Variants in RNF175 observed in about 807,000 individuals in gnomAD.
RNF175 encodes the protein ring finger protein 175.
RNF175 carries 38 observed loss-of-function variants against 50.0 expected under a neutral mutation model. The ratio of observed to expected loss-of-function variants is 0.76; its 90% confidence interval spans 0.59 to 1.00. RNF175 has a LOEUF of 1.00. Ranked by LOEUF, RNF175 falls within the 50% of genes least tolerant of loss-of-function variation. RNF175 has a pLI of 0.00. For synonymous variants in RNF175, 155 were observed against 146.1 expected, an observed-to-expected ratio of 1.06 and a Z score of -0.44; for missense variants, 388 against 409.6, an observed-to-expected ratio of 0.95 and a Z score of 0.46.
intron 3 of RNF175, among the ~76,000 whole-genome samples, chr4:153,732,057 C>A (rs562065107): frequency 1.3e-5 from 2 of 152,132 alleles, no homozygotes; most frequent in Admixed American, 1.3e-4. Flanking sequence ...CATGGTGAAA[C>A]CCCATCTCTA....
chr4:153,734,762 T>C (rs988767366), intron 3 of RNF175, among the ~76,000 whole-genome samples: 2 of 134,010 alleles, frequency 1.5e-5, no homozygotes, highest in South Asian at 2.6e-4. Flanking sequence ...TGCAAGCTCC[T>C]CCTCCTGGGT....
intron 3 of RNF175, among the ~76,000 whole-genome samples, chr4:153,740,183 T>G (rs1739575352): frequency 6.6e-6 from 1 of 152,036 alleles, no homozygotes. Flanking sequence ...TTTTGTTTTA[T>G]TTTTAGCATT....
intron 6 of RNF175, among the ~76,000 whole-genome samples, chr4:153,718,238 G>C (rs6832893): frequency 2.4e-5 from 2 of 82,126 alleles, no homozygotes; most frequent in Non-Finnish European, 4.6e-5. Context: ...TTGTTTGTTT[G>C]TTTTTTTTTT....
chr4:153,736,240 G>C (rs1221113248), intron 3 of RNF175, among the ~76,000 whole-genome samples: 1 of 152,100 alleles, frequency 6.6e-6, no homozygotes, highest in South Asian at 2.1e-4. Flanking sequence ...TTCTTCTTTA[G>C]CCTCTTGATG....
chr4:153,759,856 C>T lies in RNF175; in HGVS notation c.7G>A (p.Ala3Thr). 1.4e-6 allele frequency: 2 copies of T among 1,454,328 alleles called. No homozygotes were observed. The highest frequency in any genetic ancestry group is 9.0e-7 in the Non-Finnish European group (1 of 1,110,736). The allele number at this position is 1,454,328 out of a possible 1,614,324, so 90.1% of individuals were successfully genotyped here. Residue 3 changes from alanine (A) to threonine (T), a missense_variant, in exon 1 of 9, where the codon GCG (alanine) becomes ACG (threonine). Ala to Thr is a moderately conservative substitution (Grantham distance 58). Coordinates refer to ENST00000347063, the MANE Select transcript of RNF175 (RefSeq NM_173662.4). ...GCTGCCTTCCGCGCCGCCGTCCCCG[C>T]GGCCATGCCTGAGCCACTGTGCCTT... is the stretch of plus-strand genomic sequence containing the variant. MA[A>T]GTAARKAAPV... is the part of the protein sequence containing the mutation.
At position 153,710,476 on chromosome 4, in the gene RNF175, G is replaced by A; in HGVS notation, c.880C>T (p.His294Tyr). ...TCCAGGATTTGTCCATACAGAAAAT[G>A]TGTGCGCTCCCAGCTAAATCTCAGT... ...RMISNPWERT[H>Y]FLYGQILDWL... Residue 294 changes from histidine to tyrosine, a missense_variant, in exon 9 of 9, where the codon CAT (histidine) becomes TAT (tyrosine). His to Tyr is a moderately conservative substitution (Grantham distance 83). Coordinates refer to ENST00000347063, the MANE Select transcript of RNF175 (RefSeq NM_173662.4). 1.2e-6 allele frequency: 2 copies of A among 1,608,774 alleles called. No homozygotes were observed. The highest frequency in any genetic ancestry group is 1.7e-6 in the Non-Finnish European group (2 of 1,177,546).
intron 2 of RNF175, among the ~76,000 whole-genome samples, 162 bp downstream of exon 2, chr4:153,751,276 T>G (rs537932973): frequency 2.6e-5 from 4 of 152,362 alleles, no homozygotes; most frequent in African/African-American, 9.6e-5. Context: ...AGAAAACAGA[T>G]GAAATCCATG....
chr4:153,741,427 A>T (rs1176437468), intron 3 of RNF175, among the ~76,000 whole-genome samples: 1 of 152,176 alleles, frequency 6.6e-6, no homozygotes, highest in African/African-American at 2.4e-5. Context: ...GGGGTCCCTG[A>T]CTGTGGCTCC....
rs372398387 is a variant in RNF175 at position 153,723,366 on chromosome 4, A to T, written c.494T>A (p.Phe165Tyr). ...AGATACTTACTTGAAAAACAGATTGAATCCACACATTGTAAACATGATCGC... is the reference window on the plus strand; with the variant it reads ...AGATACTTACTTGAAAAACAGATTGTATCCACACATTGTAAACATGATCGC... ...YLAIMFTMCG[F>Y]NLFFKIKARD... Residue 165 changes from phenylalanine (F) to tyrosine (Y), a missense_variant, in exon 5 of 9, where the codon TTC becomes TAC. Phe to Tyr is a conservative substitution (Grantham distance 22). Coordinates refer to ENST00000347063, the MANE Select transcript of RNF175 (RefSeq NM_173662.4). 1.3e-6 allele frequency: 2 copies of T among 1,559,658 alleles called. No homozygotes were observed. The highest frequency in any genetic ancestry group is 2.7e-5 in the African/African-American group (2 of 74,180).
chr4:153,727,617 C>T (rs1266935400), intron 4 of RNF175: 1 of 152,142 alleles, frequency 6.6e-6, no homozygotes, highest in Non-Finnish European at 1.5e-5. Flanking sequence ...TGGATTTTAT[C>T]CACAGAACAG....
At chr4:153,734,128 A>G (rs1160459849) in intron 3 of RNF175, among the ~76,000 whole-genome samples, 1 of 152,220 alleles carries the variant, frequency 6.6e-6, no homozygotes, top group Non-Finnish European at 1.5e-5. Context: ...GGTTGCTACC[A>G]GTTTTGGGCA....
In RNF175 at chr4:153,748,719, T is replaced by C; in HGVS notation, c.172A>G (p.Ile58Val). 2 of 1,610,604 alleles carry C rather than the reference T, an allele frequency of 1.2e-6. No individual in the cohort carries two copies. The highest frequency in any genetic ancestry group is 1.1e-5 in the South Asian group (1 of 89,930). Reference protein sequence around the residue: ...HDSMHVEMILIFLCVLVIAQI... With the variant: ...HDSMHVEMILVFLCVLVIAQI... ...GCAATGACCAGAACGCAGAGGAAGA[T>C]CAAGATCATTTCCACGTGCATGGAA... Residue 58 changes from isoleucine (I) to valine (V), a missense_variant, in exon 3 of 9, where the codon ATC becomes GTC. Physicochemically the swap from Ile to Val is conservative, Grantham distance 29. Transcript: ENST00000347063.
At chr4:153,728,599 CTTCCT>C (rs905611728) in intron 3 of RNF175, among the ~76,000 whole-genome samples, 4 of 152,330 alleles carry the variant, frequency 2.6e-5, no homozygotes, top group African/African-American at 9.6e-5. Context: ...CCCTCTGTCA[CTTCCT>C]TTCATCTGAC....
chr4:153,729,628 C>T (rs1738919629), intron 3 of RNF175: 3 of 977,102 alleles, frequency 3.1e-6, no homozygotes, highest in Admixed American at 1.2e-4. Flanking sequence ...AAGACCACAG[C>T]CATTCTTCTT....
chr4:153,751,213 A>C (rs1308828123), intron 2 of RNF175, among the ~76,000 whole-genome samples: 4 of 152,326 alleles, frequency 2.6e-5, no homozygotes. Context: ...TTTGAAGGAT[A>C]TATTAATCCA....
Position 153,759,816 on chromosome 4 carries a change from G to T in RNF175, c.47C>A (p.Ala16Asp), listed in dbSNP as rs750468935. The change falls in exon 1 of 9, where the codon GCC becomes GAC. Residue 16 changes from alanine to aspartate, a missense_variant. Transcript: ENST00000347063. Reference protein sequence around the residue: ...AARKAAPVLEAPPQQEQLSHT... With the variant: ...AARKAAPVLEDPPQQEQLSHT... ...CAGTACCTGCTCCTGCTGCGGGGGG[G>T]CCTCCAGCACCGGCGCTGCCTTCCG... is the stretch of plus-strand genomic sequence containing the variant. 7 of 1,475,638 alleles carry T rather than the reference G, an allele frequency of 4.7e-6. No homozygotes were observed. The highest frequency in any genetic ancestry group is 5.4e-6 in the Non-Finnish European group (6 of 1,121,232). The allele number at this position is 1,475,638 out of a possible 1,614,324, so 91.4% of individuals were successfully genotyped here. A position where few individuals can be genotyped will look rare whatever the true frequency, so the allele number is the denominator to read the frequency against.
rs1267756486 is a variant in RNF175 at position 153,728,228 on chromosome 4, G to C, written c.380C>G (p.Pro127Arg). ...SYILFRATRK[P>R]LSGRTPRLVY... The stretch of plus-strand genomic sequence containing the variant: ...ATACCGTGGTGTCCTTCCTGAGAGG[G>C]GTTTTCGGGTAGCTCTGAAGAGGAT... Residue 127 changes from proline (P) to arginine (R), a missense_variant, in exon 4 of 9, where the codon CCC (proline) becomes CGC (arginine). Physicochemically the swap from Pro to Arg is moderately radical, Grantham distance 103 (BLOSUM62 -2). Coordinates refer to ENST00000347063, the MANE Select transcript of RNF175 (RefSeq NM_173662.4). The C allele has an allele frequency of 6.2e-7, 1 of 1,613,348 alleles. No homozygotes were observed. The highest frequency in any genetic ancestry group is 1.7e-5 in the Admixed American group (1 of 59,966).
intron 3 of RNF175, among the ~76,000 whole-genome samples, chr4:153,731,723 A>C (rs368956900): frequency 6.6e-6 from 1 of 152,108 alleles, no homozygotes; most frequent in Admixed American, 6.6e-5. Context: ...AAGGAAAAAA[A>C]GAAAAAAATA....
chr4:153,714,487 T>C (rs2127087578), intron 7 of RNF175: 1 of 152,328 alleles, frequency 6.6e-6, no homozygotes, highest in East Asian at 1.9e-4. Flanking sequence ...TATGACTGAC[T>C]AAATTAAGTG....
Sources: gnomAD v4.1 joint callset for allele counts (sites outside exome capture counted in the v4.1 genomes callset) on GRCh38, gnomAD v4.1.1 for gene constraint, MANE v1.5 for transcripts, NCBI Gene and HGNC (gene_info 2026-07-23, HGNC 2026-07-21) for gene names.